B4GALT6: variants seen among roughly 807,000 people sequenced by gnomAD.
The protein encoded by B4GALT6 is beta-1,4-galactosyltransferase 6.
A neutral mutation model predicts 46.3 loss-of-function variants in B4GALT6; 14 were observed. The observed-to-expected ratio is 0.30, with a 90% confidence interval of 0.20 to 0.47. B4GALT6 has a LOEUF of 0.47. B4GALT6 is among the 20% of genes least tolerant of loss of function. The pLI, the probability that B4GALT6 is intolerant of heterozygous loss-of-function variation, is 0.99. For synonymous variants in B4GALT6, 168 were observed against 162.0 expected (o/e 1.04, Z -0.28); for missense variants, 386 against 480.1 (o/e 0.80, Z 1.83).
At chr18:31,706,184 A>T in the B4GALT6 span, among the ~76,000 whole-genome samples, 1 of 152,168 alleles carries the variant, frequency 6.6e-6, no homozygotes, top group Non-Finnish European at 1.5e-5. Context: ...ATAAATACAC[A>T]TATGTATATG....
In B4GALT6 at chr18:31,624,545, A is replaced by G. The variant is rs756687661; in HGVS notation, c.*1069T>C. On this transcript the variant is annotated 3_prime_UTR_variant, in exon 9 of 9. Transcript: ENST00000306851. Reference sequence around the variant, plus strand: ...TAAGTATTTATCTTTATAAAAATAGAATATTTAATTCTTATCTAATAGTAT... The same window carrying G: ...TAAGTATTTATCTTTATAAAAATAGGATATTTAATTCTTATCTAATAGTAT... 1 of 152,054 alleles carries G rather than the reference A, an allele frequency of 6.6e-6. No homozygotes were observed. The highest frequency in any genetic ancestry group is 1.5e-5 in the Non-Finnish European group (1 of 67,938). The allele number at this position is 152,054 out of a possible 1,614,324, so 9.4% of individuals were successfully genotyped here. A position where few individuals can be genotyped will look rare whatever the true frequency, so the allele number is the denominator to read the frequency against.
upstream of B4GALT6, among the ~76,000 whole-genome samples, chr18:31,689,192 T>G (rs561427076): frequency 1.3e-5 from 2 of 152,268 alleles, no homozygotes; most frequent in African/African-American, 2.4e-5. Context: ...TTCAGTAGAT[T>G]GCTGGTTTTG....
intron 1 of B4GALT6, among the ~76,000 whole-genome samples, chr18:31,672,204 C>T (rs1471151209): frequency 6.6e-6 from 1 of 152,192 alleles, no homozygotes; most frequent in Non-Finnish European, 1.5e-5. Flanking sequence ...TATCTCTGTT[C>T]CTAGCTGCTA....
the B4GALT6 span, among the ~76,000 whole-genome samples, chr18:31,696,995 G>A: frequency 6.6e-5 from 10 of 152,230 alleles, no homozygotes; most frequent in South Asian, 8.3e-4. Context: ...GGCCAGGCGC[G>A]GTGGCTCACA....
At chr18:31,645,223 T>TA (rs1330680263) in intron 4 of B4GALT6, 132 bp downstream of exon 4, 6 of 1,256,776 alleles carry the variant, frequency 4.8e-6, no homozygotes, top group Non-Finnish European at 6.6e-6. Context: ...TAGTAAACAT[T>TA]AAAGACAAAA....
chr18:31,658,321 C>CA (rs564123958), intron 2 of B4GALT6: 217 of 341,288 alleles, frequency 6.4e-4, no homozygotes, highest in African/African-American at 4.0e-3. Flanking sequence ...TCCTTGCACA[C>CA]AGACATGGCA....
At chr18:31,660,929 G>C (rs1226030134) in intron 2 of B4GALT6, among the ~76,000 whole-genome samples, 1 of 152,152 alleles carries the variant, frequency 6.6e-6, no homozygotes, top group Admixed American at 6.5e-5. Context: ...ACTGCCATCA[G>C]GATGGTCAAC....
intron 5 of B4GALT6, among the ~76,000 whole-genome samples, chr18:31,631,962 A>G (rs1423231723): frequency 6.6e-6 from 1 of 152,186 alleles, no homozygotes; most frequent in East Asian, 1.9e-4. Context: ...ATACAATTTT[A>G]TTACACAGAA....
At chr18:31,663,303 T>C (rs1211887421) in intron 2 of B4GALT6, among the ~76,000 whole-genome samples, 1 of 152,204 alleles carries the variant, frequency 6.6e-6, no homozygotes, top group African/African-American at 2.4e-5. Context: ...TGGCAGTGTC[T>C]GGGGGCCTCA....
the B4GALT6 span, among the ~76,000 whole-genome samples, chr18:31,715,591 C>T: frequency 8.3e-6 from 1 of 120,376 alleles, no homozygotes; most frequent in Non-Finnish European, 1.6e-5. Flanking sequence ...GCTCTTGTTG[C>T]CCAAGCTGGA....
chr18:31,687,139 A>T (rs1212720300), upstream of B4GALT6, among the ~76,000 whole-genome samples: 1 of 152,188 alleles, frequency 6.6e-6, no homozygotes, highest in Admixed American at 6.5e-5. Context: ...GTTAAGACTG[A>T]TTAGCTCTCC....
chr18:31,623,581 T>C lies in B4GALT6; in HGVS notation c.*2033A>G, dbSNP rs924782658. 2 of 152,376 alleles carry C rather than the reference T, an allele frequency of 1.3e-5. No homozygotes were observed. Among genetic ancestry groups the C allele is most frequent in the Non-Finnish European group, 1.5e-5 (1 of 67,872 alleles). The allele number at this position is 152,376 out of a possible 1,614,324, so 9.4% of individuals were successfully genotyped here. A position where few individuals can be genotyped will look rare whatever the true frequency, so the allele number is the denominator to read the frequency against. On this transcript the variant is annotated 3_prime_UTR_variant, in exon 9 of 9. Transcript: ENST00000306851. ...TCTCTTTCATTGACTTTAAAAACTATGTAATAGAAACAGAAAATGAACTAA... is the reference window on the plus strand; with the variant it reads ...TCTCTTTCATTGACTTTAAAAACTACGTAATAGAAACAGAAAATGAACTAA...
At chr18:31,654,595 A>G (rs924738460) in intron 3 of B4GALT6, among the ~76,000 whole-genome samples, 1 of 152,238 alleles carries the variant, frequency 6.6e-6, no homozygotes, top group Non-Finnish European at 1.5e-5. Flanking sequence ...TTATCTTTAC[A>G]GAAATCCAGT....
the B4GALT6 span, among the ~76,000 whole-genome samples, chr18:31,692,649 T>C: frequency 1.2e-4 from 19 of 152,126 alleles, no homozygotes; most frequent in Admixed American, 3.9e-4. Context: ...TCATCTCCAT[T>C]CAAATAACAA....
chr18:31,646,058 G>A (rs540691152), intron 3 of B4GALT6, among the ~76,000 whole-genome samples: 2 of 152,294 alleles, frequency 1.3e-5, no homozygotes, highest in East Asian at 1.9e-4. Flanking sequence ...ATCATATGCC[G>A]TGTCAGGCAT....
chr18:31,693,636 G>T, the B4GALT6 span, among the ~76,000 whole-genome samples: 2 of 152,152 alleles, frequency 1.3e-5, no homozygotes, highest in South Asian at 2.1e-4. Context: ...TGTGAAGAAA[G>T]AACTCAACAA....
intron 2 of B4GALT6, among the ~76,000 whole-genome samples, chr18:31,660,618 A>C (rs2074201505): frequency 6.6e-6 from 1 of 152,176 alleles, no homozygotes; most frequent in Admixed American, 6.5e-5. Context: ...AATCAAATCA[A>C]AGCATTGTAG....
chr18:31,658,691 G>A (rs1403672452), intron 2 of B4GALT6, among the ~76,000 whole-genome samples: 2 of 152,154 alleles, frequency 1.3e-5, no homozygotes, highest in Non-Finnish European at 2.9e-5. Context: ...ACTGCATACA[G>A]GGCACCAAAG....
At chr18:31,692,657 C>CA in the B4GALT6 span, among the ~76,000 whole-genome samples, 6 of 151,640 alleles carry the variant, frequency 4.0e-5, no homozygotes, top group African/African-American at 1.2e-4. Flanking sequence ...ATTCAAATAA[C>CA]AAAAAAAGAC....
Sources: allele counts gnomAD v4.1 joint callset (sites outside exome capture counted in the v4.1 genomes callset), GRCh38; gene constraint gnomAD v4.1.1; transcripts MANE v1.5; gene names NCBI Gene and HGNC (gene_info 2026-07-23, HGNC 2026-07-21).